The following SLC24A5 variants were observed in gnomAD, a reference collection of about 807,000 sequenced individuals.
SLC24A5 encodes the protein sodium/potassium/calcium exchanger 5.
A neutral mutation model predicts 51.6 loss-of-function variants in SLC24A5; 46 were observed. The observed-to-expected ratio is 0.89, with a 90% CI of 0.70 to 1.14. The LOEUF (loss-of-function observed/expected upper bound fraction) is 1.14. Ranked by LOEUF, SLC24A5 falls within the 50% of genes most tolerant of loss-of-function variation. The pLI, the probability that SLC24A5 is intolerant of heterozygous loss-of-function variation, is 0.00. For missense variants in SLC24A5, 581 were observed against 604.1 expected (o/e 0.96, Z 0.40); for synonymous variants, 230 against 214.9 (o/e 1.07, Z -0.62).
At position 48,136,670 on chromosome 15, in the gene SLC24A5, T is replaced by G. The variant is rs1567226414; in HGVS notation, c.591-13T>G. 1 of 1,575,818 alleles carries G rather than the reference T, an allele frequency of 6.3e-7. No homozygotes were observed. The highest frequency in any genetic ancestry group is 2.3e-5 in the East Asian group (1 of 44,348). ...TCACTTTTAATTTAAAAACACAAAT[T>G]TCTCTTTTGTAGGTATGAAGGGGCT... On this transcript the variant is annotated splice_polypyrimidine_tract_variant and intron_variant, in intron 5 of 8. Coordinates refer to ENST00000341459, the MANE Select transcript of SLC24A5 (RefSeq NM_205850.3).
At chr15:48,140,362 T>C (rs2039025425) in intron 7 of SLC24A5, 1 of 152,118 alleles carries the variant, frequency 6.6e-6, no homozygotes, top group African/African-American at 2.4e-5. Context: ...ATTATTTTAG[T>C]TGGCATTTTA....
At position 48,134,928 on chromosome 15, in the gene SLC24A5, G is replaced by A. The variant is rs138902406; in HGVS notation, c.534G>A (p.Ala178=). 8.0e-5 allele frequency: 129 copies of A among 1,612,476 alleles called. No homozygotes were observed. Among genetic ancestry groups the A allele is most frequent in the Middle Eastern group, 5.0e-4 (3 of 6,056 alleles). The change falls in exon 5 of 9, where the codon GCG becomes GCA. Residue 178 remains alanine, a synonymous_variant. Transcript: ENST00000341459. ...SCWPLFRDCA[A]YTISAAAVLG... is the part of the protein sequence containing the mutation. The stretch of plus-strand genomic sequence containing the variant: ...GGCCCCTATTCAGAGACTGTGCAGC[G>A]TACACAATTAGTGCAGCAGCAGTTC...
chr15:48,129,797 A>G (rs964020759), intron 2 of SLC24A5, among the ~76,000 whole-genome samples: 28 of 152,050 alleles, frequency 1.8e-4, no homozygotes, highest in African/African-American at 6.8e-4. Context: ...TTCACATTCT[A>G]TAACTTTGAG....
rs369734009 is a variant in SLC24A5, at chr15:48,133,733, C to G, written c.302-525C>G. Among the ~76,000 whole-genome samples, 10 of 152,180 alleles carry G rather than the reference C, an allele frequency of 6.6e-5. No individual in the cohort carries two copies. The East Asian group carries it at 1.7e-3, about 26-fold the overall frequency. ...CATCAAAAATTCTCTGCATGGCAAA[C>G]TGAAAAACCCCAGCCAAAGCCTCCC... On this transcript the variant is annotated intron_variant, in intron 2 of 8. Coordinates refer to ENST00000341459, the MANE Select transcript of SLC24A5 (RefSeq NM_205850.3).
chr15:48,142,219 C>A lies in SLC24A5; in HGVS notation c.1371C>A (p.His457Gln), dbSNP rs1321704748. 2.5e-6 allele frequency: 4 copies of A among 1,613,662 alleles called. No individual in the cohort carries two copies. The highest frequency in any genetic ancestry group is 3.4e-6 in the Non-Finnish European group (4 of 1,179,856). Residue 457 changes from histidine (H) to glutamine (Q), a missense_variant, in exon 9 of 9, where the codon CAC (histidine) becomes CAA (glutamine). Coordinates refer to ENST00000341459, the MANE Select transcript of SLC24A5 (RefSeq NM_205850.3). ...ISIIFLFLAV[H>Q]FNGWKLDRKL... Reference sequence around the variant, plus strand: ...TTATTTTTCTTTTTTTAGCAGTTCACTTCAATGGCTGGAAACTAGACAGAA... The same window carrying A: ...TTATTTTTCTTTTTTTAGCAGTTCAATTCAATGGCTGGAAACTAGACAGAA...
Position 48,129,827 on chromosome 15 carries a change from A to G in SLC24A5, c.302-4431A>G, listed in dbSNP as rs539758845. Among the ~76,000 whole-genome samples the G allele has an allele frequency of 4.6e-5, 7 of 152,166 alleles. No homozygotes were observed. The South Asian group carries it at 1.5e-3, about 32-fold the overall frequency. ...TTTGAGTAAAGATTGAAAAAAAAAG[A>G]TAATACCTTAAAGATTGTGTGGTCT... On this transcript the variant is annotated intron_variant, in intron 2 of 8. Transcript: ENST00000341459.
Position 48,134,400 on chromosome 15 carries a change from T to A in SLC24A5, c.386-35T>A, listed in dbSNP as rs751523353. 4.4e-6 allele frequency: 7 copies of A among 1,608,862 alleles called. No individual in the cohort carries two copies. The Admixed American group carries it at 1.0e-4, about 23-fold the overall frequency. ...AGTGTGATTTTTATTTTCTTCAAGT[T>A]AACACTAACTTAGCTGGTACTATCT... On this transcript the variant is annotated intron_variant, in intron 3 of 8. Coordinates refer to ENST00000341459, the MANE Select transcript of SLC24A5 (RefSeq NM_205850.3).
chr15:48,130,176 G>C (rs945612855), intron 2 of SLC24A5, among the ~76,000 whole-genome samples: 1 of 152,076 alleles, frequency 6.6e-6, no homozygotes, highest in Admixed American at 6.6e-5. Flanking sequence ...TCCAGGATAT[G>C]TGATTATTCC....
chr15:48,139,221 A>C (rs1313641426), intron 7 of SLC24A5, 46 bp downstream of exon 7: 1 of 1,506,690 alleles, frequency 6.6e-7, no homozygotes, highest in East Asian at 2.3e-5. Context: ...TATTCATATA[A>C]GAACAAATTG....
chr15:48,141,234 A>G lies in SLC24A5; in HGVS notation c.1180+20A>G, dbSNP rs768284604. On this transcript the variant is annotated intron_variant, in intron 8 of 8. Transcript: ENST00000341459. ...GAAAAGGTAAGAACTAGGTCCCTCA[A>G]GCTGCAATGGTCATTCTACAAGGCT... The G allele has an allele frequency of 4.5e-6, 7 of 1,543,486 alleles. No homozygotes were observed. The African/African-American group carries it at 6.8e-5, about 15-fold the overall frequency.
chr15:48,121,758 C>T (rs1042559244), intron 1 of SLC24A5, 99 bp from the exon 2 acceptor site: 55 of 1,228,912 alleles, frequency 4.5e-5, no homozygotes, highest in Non-Finnish European at 5.7e-5. Context: ...AAATTCCACC[C>T]GGTTACCCCA....
chr15:48,121,812 T>A, intron 1 of SLC24A5, 45 bp from the exon 2 acceptor site: 2 of 1,589,456 alleles, frequency 1.3e-6, no homozygotes, highest in Non-Finnish European at 1.7e-6. Flanking sequence ...GCTTGGAATG[T>A]GTGACTCCAA....
At chr15:48,135,137 G>A (rs1446423437) in intron 5 of SLC24A5, 153 bp downstream of exon 5, 2 of 551,070 alleles carry the variant, frequency 3.6e-6, no homozygotes, top group Non-Finnish European at 6.5e-6. Flanking sequence ...CATCACAATT[G>A]CTGATTGAGT....
chr15:48,126,787 T>G (rs2038736726), intron 2 of SLC24A5, among the ~76,000 whole-genome samples: 1 of 152,212 alleles, frequency 6.6e-6, no homozygotes, highest in South Asian at 2.1e-4. Context: ...CTCTGATCAT[T>G]CATGTAAGCC....
At chr15:48,133,748 C>G (rs1478400779) in intron 2 of SLC24A5, among the ~76,000 whole-genome samples, 1 of 152,080 alleles carries the variant, frequency 6.6e-6, no homozygotes, top group Admixed American at 6.6e-5. Flanking sequence ...AAACCCCAGC[C>G]AAAGCCTCCC....
At chr15:48,122,595 G>A (rs1314016449) in intron 2 of SLC24A5, 1 of 154,110 alleles carries the variant, frequency 6.5e-6, no homozygotes, top group Non-Finnish European at 1.4e-5. Flanking sequence ...TTAGACATCA[G>A]ATGACTGTAA....
chr15:48,124,237 A>C (rs1193653781), intron 2 of SLC24A5: 1 of 152,032 alleles, frequency 6.6e-6, no homozygotes, highest in Admixed American at 6.5e-5. Flanking sequence ...TTTATTCTAC[A>C]TGCAGGATTT....
intron 2 of SLC24A5, chr15:48,123,163 T>TAA (rs2038697105): frequency 1.3e-5 from 2 of 151,506 alleles, no homozygotes; most frequent in African/African-American, 4.8e-5. Context: ...TGAAAATATA[T>TAA]AATATATATA....
At chr15:48,122,172 C>A (rs2038686535) in intron 2 of SLC24A5, 136 bp downstream of exon 2, 1 of 909,322 alleles carries the variant, frequency 1.1e-6, no homozygotes, top group East Asian at 2.4e-5. Context: ...TGTGGGGTCC[C>A]GTGTCTTAAG....
Sources: allele counts gnomAD v4.1 joint callset (sites outside exome capture counted in the v4.1 genomes callset), GRCh38; gene constraint gnomAD v4.1.1; transcripts MANE v1.5; gene names NCBI Gene and HGNC (gene_info 2026-07-23, HGNC 2026-07-21).